Variants in RGL1 observed in about 807,000 individuals in gnomAD.
RGL1 encodes the protein ral guanine nucleotide dissociation stimulator like 1, also known as ral guanine nucleotide dissociation stimulator-like 1.
A neutral mutation model predicts 95.2 loss-of-function variants in RGL1; 24 were observed. That is an observed-to-expected ratio of 0.25 (90% CI 0.18 to 0.35). The LOEUF is 0.35. Among genes scored for constraint, RGL1 ranks in the 10% least tolerant of loss-of-function variants. The probability of loss-of-function intolerance (pLI) is 1.00; values close to 1 mark genes in which losing one functional copy is unlikely to be tolerated. For missense variants in RGL1, 715 were observed against 936.3 expected, an observed-to-expected ratio of 0.76 and a Z score of 3.08; for synonymous variants, 329 against 344.9, an observed-to-expected ratio of 0.95 and a Z score of 0.51.
intron 1 of RGL1, among the ~76,000 whole-genome samples, chr1:183,662,858 A>G (rs1269311406): frequency 6.6e-6 from 1 of 152,228 alleles, no homozygotes; most frequent in Non-Finnish European, 1.5e-5. Flanking sequence ...TGGTACCAAA[A>G]CAGAGACATA....
chr1:183,719,774 C>T (rs1470057795), intron 1 of RGL1, among the ~76,000 whole-genome samples: 2 of 152,036 alleles, frequency 1.3e-5, no homozygotes, highest in East Asian at 1.9e-4. Flanking sequence ...GGCATGGTGG[C>T]GCATGCCTGT....
intron 7 of RGL1, among the ~76,000 whole-genome samples, chr1:183,886,736 T>A (rs1667131501): frequency 6.6e-6 from 1 of 152,074 alleles, no homozygotes; most frequent in African/African-American, 2.4e-5. Flanking sequence ...TAATGAGGCT[T>A]ACCAGTGGTT....
chr1:183,648,670 CT>C (rs762009746), intron 1 of RGL1: 2 of 1,614,136 alleles, frequency 1.2e-6, no homozygotes, highest in Non-Finnish European at 1.7e-6. Flanking sequence ...GCTTCTTCAC[CT>C]GTTCGAATAT....
At chr1:183,760,568 CAAAAAAAAAAAAAAA>C (rs58715145) in intron 2 of RGL1, among the ~76,000 whole-genome samples, 1 of 50,720 alleles carries the variant, frequency 2.0e-5, no homozygotes, top group African/African-American at 8.0e-5. Context: ...CCAGTCTCTG[CAAAAAAAAAAAAAAA>C]AAAAAAAAAA....
Position 183,907,074 on chromosome 1 carries a change from G to T in RGL1, c.1535G>T (p.Arg512Leu). ...ADASTTSPKP[R>L]KSMVKRLSLL... is the part of the protein sequence containing the mutation. ...GCCAGCACCACCTCGCCCAAGCCTC[G>T]GAAGAGCATGGTGAAGAGACTCAGC... Residue 512 changes from arginine (R) to leucine (L), a missense_variant, in exon 14 of 18, where the codon CGG (arginine) becomes CTG (leucine). Arg to Leu is a moderately radical substitution (Grantham distance 102). Around this residue, in one of 3 missense-constraint regions of RGL1, gnomAD observed 330 missense variants for 429.6 expected, o/e 0.77. Transcript: ENST00000360851. 1.9e-6 allele frequency: 3 copies of T among 1,610,764 alleles called. No individual in the cohort carries two copies. The highest frequency in any genetic ancestry group is 2.5e-6 in the Non-Finnish European group (3 of 1,177,828).
chr1:183,911,385 A>G (rs1668632383), intron 14 of RGL1, among the ~76,000 whole-genome samples: 1 of 152,048 alleles, frequency 6.6e-6, no homozygotes. Context: ...CTGGCTGTAT[A>G]TAGTTTTGGT....
At chr1:183,648,105 G>A (rs1294510062) in intron 1 of RGL1, 1 of 1,614,102 alleles carries the variant, frequency 6.2e-7, no homozygotes. Flanking sequence ...GATTTCATAT[G>A]CGTTGTGCCT....
intron 1 of RGL1, among the ~76,000 whole-genome samples, chr1:183,670,476 G>GC (rs1212420930): frequency 6.6e-6 from 1 of 152,180 alleles, no homozygotes; most frequent in Non-Finnish European, 1.5e-5. Context: ...AAGTGTGGAA[G>GC]CCCCCATATG....
At chr1:183,763,407 T>C (rs1031126191) in intron 2 of RGL1, among the ~76,000 whole-genome samples, 4 of 152,146 alleles carry the variant, frequency 2.6e-5, no homozygotes, top group Non-Finnish European at 5.9e-5. Flanking sequence ...AAACACAGTA[T>C]CTACTAAGTG....
intron 1 of RGL1, chr1:183,647,363 A>G: frequency 5.2e-6 from 1 of 191,234 alleles, no homozygotes; most frequent in South Asian, 1.6e-4. Context: ...TGTAGTGGAA[A>G]GATGATGTGA....
intron 3 of RGL1, among the ~76,000 whole-genome samples, chr1:183,861,318 C>T (rs905528755): frequency 6.6e-6 from 1 of 152,146 alleles, no homozygotes; most frequent in African/African-American, 2.4e-5. Context: ...TTAGCAAGGG[C>T]CCCCACTAGA....
chr1:183,909,155 G>GC (rs1344461001), intron 14 of RGL1, among the ~76,000 whole-genome samples: 1 of 152,156 alleles, frequency 6.6e-6, no homozygotes, highest in African/African-American at 2.4e-5. Flanking sequence ...CAGTTCATAT[G>GC]CCCCCATCTT....
intron 2 of RGL1, among the ~76,000 whole-genome samples, chr1:183,835,497 G>C (rs1308555068): frequency 6.6e-6 from 1 of 152,136 alleles, no homozygotes; most frequent in Non-Finnish European, 1.5e-5. Context: ...GCTTCTCCTG[G>C]CTTTCCTTGA....
At chr1:183,654,540 C>T (rs923351319) in intron 1 of RGL1, among the ~76,000 whole-genome samples, 14 of 152,154 alleles carry the variant, frequency 9.2e-5, no homozygotes, top group African/African-American at 2.9e-4. Context: ...GTTTTTCTCC[C>T]GCTAGCTGAA....
At chr1:183,908,553 A>G (rs922899125) in intron 14 of RGL1, among the ~76,000 whole-genome samples, 1 of 152,158 alleles carries the variant, frequency 6.6e-6, no homozygotes, top group Admixed American at 6.5e-5. Flanking sequence ...AGAATTTTTC[A>G]TAGTATCTTG....
intron 2 of RGL1, among the ~76,000 whole-genome samples, chr1:183,742,714 G>T (rs573802466): frequency 1.3e-5 from 2 of 151,804 alleles, no homozygotes; most frequent in African/African-American, 4.9e-5. Context: ...TTTGTGGGGG[G>T]TGTGTGTGTG....
chr1:183,711,972 T>C (rs895450413), intron 1 of RGL1, among the ~76,000 whole-genome samples: 21 of 152,136 alleles, frequency 1.4e-4, no homozygotes, highest in African/African-American at 5.1e-4. Flanking sequence ...AAATCTAGAG[T>C]AGCAGTGCAG....
intron 4 of RGL1, among the ~76,000 whole-genome samples, chr1:183,875,011 T>C (rs57703375): frequency 0.018 from 2,754 of 152,312 alleles, 90 homozygotes; most frequent in African/African-American, 0.064. Flanking sequence ...ACTTCATTGC[T>C]TGAAAGGCCC....
intron 2 of RGL1, among the ~76,000 whole-genome samples, chr1:183,832,645 C>CT (rs150082225): frequency 0.021 from 3,236 of 152,226 alleles, 124 homozygotes; most frequent in African/African-American, 0.075. Context: ...GTGGTTAAGT[C>CT]TGACTGTGGG....
Sources: gnomAD v4.1 joint callset for allele counts (sites outside exome capture counted in the v4.1 genomes callset) on GRCh38, gnomAD v4.1.1 for gene constraint, gnomAD v4.1.1 regional missense constraint, MANE v1.5 for transcripts, NCBI Gene and HGNC (gene_info 2026-07-23, HGNC 2026-07-21) for gene names.